Variants in NTNG1 observed in about 807,000 individuals in gnomAD.
NTNG1 encodes netrin G1.
In NTNG1, 16 loss-of-function variants were observed where a neutral mutation model predicts 54.0. The observed-to-expected ratio is 0.30, with a 90% CI of 0.20 to 0.45. NTNG1 has a LOEUF of 0.45. Ranked by LOEUF, NTNG1 falls within the 20% of genes least tolerant of loss-of-function variation. The pLI, the probability that NTNG1 is intolerant of heterozygous loss-of-function variation, is 1.00. For synonymous variants in NTNG1, 255 were observed against 263.1 expected (o/e 0.97, Z 0.30); for missense variants, 530 against 678.7 (o/e 0.78, Z 2.43).
chr1:107,441,937 A>G (rs1203766304), intron 7 of NTNG1, among the ~76,000 whole-genome samples: 1 of 152,114 alleles, frequency 6.6e-6, no homozygotes, highest in Non-Finnish European at 1.5e-5. Context: ...CAGGGTAGAG[A>G]TAGTGAAATA....
chr1:107,406,207 T>C (rs892209307), intron 4 of NTNG1, among the ~76,000 whole-genome samples: 1 of 152,114 alleles, frequency 6.6e-6, no homozygotes, highest in Admixed American at 6.6e-5. Context: ...GAAAATAGTT[T>C]TAGGTTTTAA....
chr1:107,480,583 C>CT, intron 7 of NTNG1, 28 bp from the exon 8 acceptor site: 3 of 744,748 alleles, frequency 4.0e-6, no homozygotes, highest in East Asian at 2.6e-5. Context: ...CGCGCCCACC[C>CT]ACCCCTACCT....
intron 2 of NTNG1, among the ~76,000 whole-genome samples, chr1:107,236,721 G>T (rs905978571): frequency 6.6e-6 from 1 of 152,122 alleles, no homozygotes; most frequent in Admixed American, 6.6e-5. Context: ...AGTCTCATGA[G>T]ATCTGATGGT....
intron 3 of NTNG1, among the ~76,000 whole-genome samples, chr1:107,332,468 C>A (rs566290194): frequency 2.0e-5 from 3 of 152,212 alleles, no homozygotes; most frequent in East Asian, 3.9e-4. Flanking sequence ...CATCTGCATG[C>A]CCAAACAATG....
chr1:107,466,867 C>A (rs1677638697), intron 7 of NTNG1, among the ~76,000 whole-genome samples: 1 of 152,182 alleles, frequency 6.6e-6, no homozygotes, highest in Non-Finnish European at 1.5e-5. Flanking sequence ...CCTTGCTCTT[C>A]TTCGAAAAGC....
intron 2 of NTNG1, among the ~76,000 whole-genome samples, chr1:107,316,225 C>A (rs1005405352): frequency 1.3e-5 from 2 of 152,128 alleles, no homozygotes; most frequent in Non-Finnish European, 2.9e-5. Context: ...CTAAACAAAG[C>A]AATCGGTGTT....
rs187878925 is a variant in NTNG1 at position 107,261,609 on chromosome 1, C to T, written c.247-62673C>T. Among the ~76,000 whole-genome samples the T allele has an allele frequency of 1.7e-3, 254 of 152,230 alleles. 1 individual carries two copies. Among genetic ancestry groups the T allele is most frequent in the African/African-American group, 5.4e-3 (223 of 41,520 alleles). ...CTGTAATCCCAGCACTTTGGGAGGC[C>T]GAGGCGGGCAGATCACGAGGCCAGG... On this transcript the variant is annotated intron_variant, in intron 2 of 7. Coordinates refer to ENST00000370068, the MANE Select transcript of NTNG1 (RefSeq NM_001113226.3).
chr1:107,453,405 G>A (rs956603814), intron 7 of NTNG1, among the ~76,000 whole-genome samples: 11 of 152,086 alleles, frequency 7.2e-5, no homozygotes, highest in Admixed American at 5.9e-4. Flanking sequence ...CACTACAAAC[G>A]CATTTCATTT....
intron 2 of NTNG1, among the ~76,000 whole-genome samples, chr1:107,175,417 G>A (rs1017629165): frequency 6.6e-6 from 1 of 152,160 alleles, no homozygotes; most frequent in African/African-American, 2.4e-5. Context: ...TCCCTAGGTA[G>A]CCATCAGGAT....
At chr1:107,252,401 C>G (rs1662665489) in intron 2 of NTNG1, among the ~76,000 whole-genome samples, 1 of 152,112 alleles carries the variant, frequency 6.6e-6, no homozygotes, top group South Asian at 2.1e-4. Flanking sequence ...TGCATGCAAG[C>G]TTAATGTTTA....
At chr1:107,400,778 A>G (rs983902763) in intron 4 of NTNG1, among the ~76,000 whole-genome samples, 5 of 151,816 alleles carry the variant, frequency 3.3e-5, no homozygotes, top group Admixed American at 6.6e-5. Context: ...CCTCCCAAGT[A>G]GCTGGGATTA....
At chr1:107,344,961 A>C (rs990606601) in intron 3 of NTNG1, among the ~76,000 whole-genome samples, 1 of 152,196 alleles carries the variant, frequency 6.6e-6, no homozygotes, top group East Asian at 1.9e-4. Context: ...TTTAAAACAG[A>C]TGAAAACTAT....
At chr1:107,180,385 G>T (rs1557785723) in intron 2 of NTNG1, among the ~76,000 whole-genome samples, 1 of 152,060 alleles carries the variant, frequency 6.6e-6, no homozygotes, top group East Asian at 1.9e-4. Flanking sequence ...TAAAATTAAT[G>T]GTAATGCATT....
At chr1:107,480,569 T>TCCCCCCCCCCCCCCCC in intron 7 of NTNG1, 42 bp from the exon 8 acceptor site, 5 of 609,590 alleles carry the variant, frequency 8.2e-6, no homozygotes, top group African/African-American at 3.6e-5. Flanking sequence ...CTGCTTCTCC[T>TCCCCCCCCCCCCCCCC]CCCCGCGCCC....
At chr1:107,380,490 T>G (rs1671575864) in intron 3 of NTNG1, among the ~76,000 whole-genome samples, 1 of 152,178 alleles carries the variant, frequency 6.6e-6, no homozygotes, top group Admixed American at 6.5e-5. Flanking sequence ...GATACTTTCT[T>G]GTATCTCTCT....
chr1:107,291,847 C>A (rs768592941), intron 2 of NTNG1, among the ~76,000 whole-genome samples: 58 of 152,182 alleles, frequency 3.8e-4, no homozygotes, highest in Non-Finnish European at 6.9e-4. Flanking sequence ...AACTCTGTTA[C>A]ATCAAAAACA....
intron 2 of NTNG1, chr1:107,261,144 C>A (rs1663293162): frequency 6.6e-6 from 1 of 152,008 alleles, no homozygotes; most frequent in Non-Finnish European, 1.5e-5. Flanking sequence ...TTCATTGATC[C>A]AGCAAATGTT....
Position 107,480,945 on chromosome 1 carries a change from T to A in NTNG1, c.*105T>A. On this transcript the variant is annotated 3_prime_UTR_variant, in exon 8 of 8. Coordinates refer to ENST00000370068, the MANE Select transcript of NTNG1 (RefSeq NM_001113226.3). ...AACACACACATACAGACACCCCCAC[T>A]CAGACAGTGTACAAACTAAGAAGGC... 1 of 810,886 alleles carries A rather than the reference T, an allele frequency of 1.2e-6. No individual in the cohort carries two copies. The highest frequency in any genetic ancestry group is 2.0e-6 in the Non-Finnish European group (1 of 507,702). 50.2% of individuals were successfully genotyped at this position (810,886 alleles called of 1,614,324 possible).
intron 2 of NTNG1, among the ~76,000 whole-genome samples, chr1:107,292,529 A>G (rs1391087376): frequency 3.9e-5 from 6 of 152,132 alleles, no homozygotes; most frequent in Admixed American, 3.9e-4. Flanking sequence ...CACCAGGAAA[A>G]GGCAGTCTCC....
Sources: gnomAD v4.1 joint callset for allele counts (sites outside exome capture counted in the v4.1 genomes callset) on GRCh38, gnomAD v4.1.1 for gene constraint, MANE v1.5 for transcripts, NCBI Gene and HGNC (gene_info 2026-07-23, HGNC 2026-07-21) for gene names.